Variants in CD5 observed in about 807,000 individuals in gnomAD.
CD5 encodes the protein CD5 molecule, also known as T-cell surface glycoprotein CD5.
A neutral mutation model predicts 60.3 loss-of-function variants in CD5; 36 were observed. That is an observed-to-expected ratio of 0.60 (90% confidence interval 0.46 to 0.79). CD5 has a LOEUF of 0.79. Among genes scored for constraint, CD5 ranks in the 30% least tolerant of loss-of-function variants. The pLI is 0.00. For synonymous variants in CD5, 230 were observed against 257.6 expected, an observed-to-expected ratio of 0.89 and a Z score of 1.03; for missense variants, 540 against 630.6, an observed-to-expected ratio of 0.86 and a Z score of 1.54.
chr11:61,098,303 T>A (rs533329317), upstream of CD5, among the ~76,000 whole-genome samples: 3 of 152,204 alleles, frequency 2.0e-5, no homozygotes, highest in African/African-American at 7.2e-5. Context: ...ACTATGTGAA[T>A]CACTATTGAT....
intron 2 of CD5, among the ~76,000 whole-genome samples, chr11:61,117,778 C>A (rs944278471): frequency 1.3e-5 from 2 of 152,200 alleles, no homozygotes; most frequent in African/African-American, 2.4e-5. Flanking sequence ...GGATTACAGG[C>A]ATGAGCCACC....
upstream of CD5, chr11:61,102,444 A>AGGACCCCCCCCCCC: frequency 4.4e-6 from 1 of 228,796 alleles, no homozygotes; most frequent in East Asian, 1.4e-4. Flanking sequence ...TCCCCGTCCC[A>AGGACCCCCCCCCCC]CCCCTCCCTG....
intron 1 of CD5, 150 bp downstream of exon 1, chr11:61,102,765 G>T (rs1157389972): frequency 2.8e-6 from 2 of 706,536 alleles, no homozygotes; most frequent in Non-Finnish European, 4.8e-6. Context: ...ATCCCTGCCT[G>T]CCCCCACTAA....
upstream of CD5, among the ~76,000 whole-genome samples, chr11:61,100,125 TCA>T (rs1860643644): frequency 3.0e-5 from 2 of 67,054 alleles, no homozygotes; most frequent in Non-Finnish European, 5.5e-5. Flanking sequence ...GAGATCACAT[TCA>T]CACACATCAA....
At chr11:61,114,597 T>TG (rs1215962490) in intron 1 of CD5, among the ~76,000 whole-genome samples, 2 of 152,082 alleles carry the variant, frequency 1.3e-5, no homozygotes, top group African/African-American at 4.8e-5. Context: ...GCTGTGATCA[T>TG]GCCACTGCAC....
At position 61,121,675 on chromosome 11, in the gene CD5, G is replaced by A. The variant is rs1861060835; in HGVS notation, c.870G>A (p.Glu290=). ...GCAGCATCTGTGAAGGCACCGTGGA[G>A]GTGCGCCAGGGGGCTCAGTGGGCAG... ...GGSSICEGTV[E]VRQGAQWAAL... is the part of the protein sequence containing the mutation. The change falls in exon 6 of 11, where the codon GAG becomes GAA. Residue 290 remains glutamate (E), a synonymous_variant. Coordinates refer to ENST00000347785, the MANE Select transcript of CD5 (RefSeq NM_014207.4). 1.7e-5 allele frequency: 27 copies of A among 1,585,326 alleles called. No individual in the cohort carries two copies. Among genetic ancestry groups the A allele is most frequent in the Non-Finnish European group, 2.2e-5 (26 of 1,160,996 alleles).
chr11:61,121,789 A>C lies in CD5; in HGVS notation c.984A>C (p.Arg328=). The C allele has an allele frequency of 6.2e-7, 1 of 1,611,138 alleles. No individual in the cohort carries two copies. The highest frequency in any genetic ancestry group is 8.5e-7 in the Non-Finnish European group (1 of 1,177,896). The change falls in exon 6 of 11, where the codon CGA becomes CGC. Residue 328 remains arginine, a synonymous_variant. Transcript: ENST00000347785. ...EQQCGSVNSY[R]VLDAGDPTSR... ...AGTGTGGCAGCGTCAACTCCTATCGAGTGCTGGACGCTGGTGACCCAACAT... is the reference window on the plus strand; with the variant it reads ...AGTGTGGCAGCGTCAACTCCTATCGCGTGCTGGACGCTGGTGACCCAACAT...
intron 1 of CD5, 127 bp from the exon 2 acceptor site, chr11:61,114,929 C>T (rs1207294340): frequency 5.0e-6 from 4 of 798,652 alleles, no homozygotes; most frequent in African/African-American, 3.4e-5. Flanking sequence ...ATTCCTGTCC[C>T]TAAAACCCAT....
rs1209104922 is a variant in CD5, at chr11:61,119,525, G to A, written c.755G>A (p.Arg252Lys). ...SSCTSLEHCFRKIKPQKSGRV... is the reference protein window; with the variant it reads ...SSCTSLEHCFKKIKPQKSGRV... ...TGTACCTCCCTGGAGCATTGCTTCA[G>A]GAAAATCAAGCCCCAGAAAAGTGGC... The change falls in exon 5 of 11, where the codon AGG becomes AAG. Residue 252 changes from arginine (R) to lysine (K), a missense_variant. Arg to Lys is a conservative substitution (Grantham distance 26). Transcript: ENST00000347785. 1.2e-5 allele frequency: 19 copies of A among 1,613,726 alleles called. No individual in the cohort carries two copies. The highest frequency in any genetic ancestry group is 1.4e-5 in the Non-Finnish European group (17 of 1,179,996).
intron 8 of CD5, among the ~76,000 whole-genome samples, chr11:61,124,434 C>G (rs1861115832): frequency 6.6e-6 from 1 of 152,186 alleles, no homozygotes; most frequent in African/African-American, 2.4e-5. Flanking sequence ...GAAGGGCTGT[C>G]CAAGTTATTT....
chr11:61,125,140 C>T lies in CD5; in HGVS notation c.1388C>T (p.Ser463Leu), dbSNP rs760447055. The T allele has an allele frequency of 6.2e-7, 1 of 1,613,918 alleles. No individual in the cohort carries two copies. The highest frequency in any genetic ancestry group is 1.3e-5 in the African/African-American group (1 of 74,934). Residue 463 changes from serine (S) to leucine (L), a missense_variant, in exon 9 of 11, where the codon TCA (serine) becomes TTA (leucine). Ser to Leu is a moderately radical substitution (Grantham distance 145). Transcript: ENST00000347785. ...CAACCTCCCAGGAACTCCCACCTGT[C>T]AGCTTATCCAGGTAAGCACCAGCGG... is the stretch of plus-strand genomic sequence containing the variant. The part of the protein sequence containing the change: ...YSQPPRNSHL[S>L]AYPALEGALH...
At chr11:61,108,829 G>A (rs616340) in intron 1 of CD5, among the ~76,000 whole-genome samples, 63,172 of 152,126 alleles carry the variant, frequency 0.42, 14,751 homozygotes, top group East Asian at 0.92. Flanking sequence ...ATAGCACCCC[G>A]TCTTCTGAGG....
chr11:61,101,895 G>A (rs1006948874), upstream of CD5, among the ~76,000 whole-genome samples: 3 of 144,136 alleles, frequency 2.1e-5, no homozygotes, highest in Non-Finnish European at 4.5e-5. Flanking sequence ...AGTCAACATG[G>A]AGATCTCTCT....
At chr11:61,096,710 C>G in the CD5 span, among the ~76,000 whole-genome samples, 1 of 152,180 alleles carries the variant, frequency 6.6e-6, no homozygotes, top group Non-Finnish European at 1.5e-5. Flanking sequence ...TTACGGTCCC[C>G]CGGGAAGAAG....
intron 5 of CD5, among the ~76,000 whole-genome samples, chr11:61,121,003 A>G (rs1222785339): frequency 6.6e-6 from 1 of 152,260 alleles, no homozygotes. Flanking sequence ...TGTGGGCCTC[A>G]GCTACAGACT....
intron 1 of CD5, among the ~76,000 whole-genome samples, chr11:61,105,646 C>A (rs1001495269): frequency 3.3e-5 from 5 of 152,122 alleles, no homozygotes; most frequent in African/African-American, 1.2e-4. Flanking sequence ...ATCTCTCTAC[C>A]CCTCAATCCT....
chr11:61,123,532 G>C (rs544838193), intron 7 of CD5, among the ~76,000 whole-genome samples: 3 of 152,318 alleles, frequency 2.0e-5, no homozygotes, highest in African/African-American at 7.2e-5. Flanking sequence ...TTCAGACAAA[G>C]AAGTGAGAGG....
chr11:61,106,233 TAGG>T (rs1184532256), intron 1 of CD5, among the ~76,000 whole-genome samples: 1 of 151,254 alleles, frequency 6.6e-6, no homozygotes, highest in Non-Finnish European at 1.5e-5. Context: ...TGCACTAGGA[TAGG>T]AGGACATCCC....
At chr11:61,098,953 T>G (rs1430520374), upstream of CD5, among the ~76,000 whole-genome samples, 1 of 152,138 alleles carries the variant, frequency 6.6e-6, no homozygotes, top group Non-Finnish European at 1.5e-5. Flanking sequence ...CTTGAACTAC[T>G]TCCTACCTGC....
Sources: gnomAD v4.1 joint callset for allele counts (sites outside exome capture counted in the v4.1 genomes callset) on GRCh38, gnomAD v4.1.1 for gene constraint, MANE v1.5 for transcripts, NCBI Gene and HGNC (gene_info 2026-07-23, HGNC 2026-07-21) for gene names.